TMEM51: variants seen among roughly 807,000 people sequenced by gnomAD.
The protein encoded by TMEM51 is chromosome 1 open reading frame 72.
Under a neutral mutation model 13.6 loss-of-function variants are expected in TMEM51, and 8 were observed. The ratio of observed to expected loss-of-function variants is 0.59; its 90% confidence interval spans 0.35 to 1.07. The LOEUF is 1.07. Among genes scored for constraint, TMEM51 ranks in the 50% least tolerant of loss-of-function variants. The pLI is 0.02. For synonymous variants in TMEM51, 147 were observed against 144.4 expected, an observed-to-expected ratio of 1.02 and a Z score of -0.13; for missense variants, 279 against 330.7, an observed-to-expected ratio of 0.84 and a Z score of 1.21.
At chr1:15,168,361 A>T (rs1643102755) in intron 1 of TMEM51, 1 of 1,035,632 alleles carries the variant, frequency 9.7e-7, no homozygotes, top group Admixed American at 3.6e-5. Flanking sequence ...AAAGAAGGGG[A>T]ATGGGGAAGA....
intron 2 of TMEM51, 96 bp from the exon 3 acceptor site, chr1:15,214,799 T>A (rs1405076067): frequency 2.5e-6 from 1 of 406,834 alleles, no homozygotes; most frequent in Non-Finnish European, 4.4e-6. Context: ...TGCTCGGTGC[T>A]GCTGCCTAAC....
chr1:15,219,260 C>G (rs952309925), intron 3 of TMEM51, 66 bp from the exon 4 acceptor site: 3 of 1,500,502 alleles, frequency 2.0e-6, no homozygotes, highest in Non-Finnish European at 2.7e-6. Flanking sequence ...TGGAGCCCAT[C>G]CCTTTGGGAT....
At chr1:15,157,867 T>C (rs1642641520) in intron 1 of TMEM51, among the ~76,000 whole-genome samples, 1 of 152,228 alleles carries the variant, frequency 6.6e-6, no homozygotes, top group Non-Finnish European at 1.5e-5. Context: ...AACGAGCAGA[T>C]GACATCGTGA....
intron 1 of TMEM51, among the ~76,000 whole-genome samples, chr1:15,180,653 T>C (rs1012318840): frequency 3.3e-5 from 5 of 152,206 alleles, no homozygotes; most frequent in South Asian, 4.1e-4. Context: ...TATGTTTCTC[T>C]GTATAAGTGA....
intron 1 of TMEM51, chr1:15,168,887 C>G (rs965927309): frequency 8.5e-7 from 1 of 1,172,314 alleles, no homozygotes; most frequent in African/African-American, 1.6e-5. Flanking sequence ...GAGTCAATAT[C>G]TGGAGTTGGA....
At chr1:15,189,731 T>C (rs988917214) in intron 1 of TMEM51, among the ~76,000 whole-genome samples, 8 of 152,196 alleles carry the variant, frequency 5.3e-5, no homozygotes, top group African/African-American at 1.9e-4. Context: ...GATGATTCCA[T>C]TTACAAAGAT....
At position 15,204,957 on chromosome 1, in the gene TMEM51, G is replaced by A. The variant is rs377641072; in HGVS notation, c.-266-5533G>A. On this transcript the variant is annotated intron_variant, in intron 1 of 3. Coordinates refer to ENST00000376008, the MANE Select transcript of TMEM51 (RefSeq NM_001136218.2). The stretch of plus-strand genomic sequence containing the variant: ...GGCCAGAACCTGGAGAAGGTTCGAG[G>A]TGTCAGACTCACATTGGGCTGACGG... Among the ~76,000 whole-genome samples the A allele has an allele frequency of 1.7e-4, 26 of 152,232 alleles. No individual in the cohort carries two copies. The East Asian group carries it at 4.6e-3, about 27-fold the overall frequency.
intron 1 of TMEM51, among the ~76,000 whole-genome samples, chr1:15,186,569 T>C (rs1643783352): frequency 6.6e-6 from 1 of 152,202 alleles, no homozygotes; most frequent in East Asian, 1.9e-4. Context: ...CTCTCCCAGC[T>C]TCACTTAAGA....
intron 1 of TMEM51, among the ~76,000 whole-genome samples, chr1:15,187,472 A>T (rs1019227621): frequency 3.3e-5 from 5 of 152,158 alleles, no homozygotes; most frequent in African/African-American, 9.7e-5. Context: ...TGATGCCTGT[A>T]GGTCCTAGTA....
intron 1 of TMEM51, among the ~76,000 whole-genome samples, chr1:15,159,441 G>A (rs1366851981): frequency 2.0e-5 from 3 of 152,196 alleles, no homozygotes; most frequent in Non-Finnish European, 4.4e-5. Context: ...CCTAAAGCCT[G>A]TCGCTCTCGT....
intron 1 of TMEM51, among the ~76,000 whole-genome samples, chr1:15,173,418 A>C (rs1299497591): frequency 6.6e-6 from 1 of 151,628 alleles, no homozygotes; most frequent in African/African-American, 2.4e-5. Context: ...ACGGGGTTTC[A>C]CCATGTTGGC....
intron 1 of TMEM51, among the ~76,000 whole-genome samples, chr1:15,176,985 T>A (rs1643474224): frequency 6.6e-6 from 1 of 152,132 alleles, no homozygotes; most frequent in South Asian, 2.1e-4. Context: ...AACATGGATA[T>A]GGGCGGGAGT....
chr1:15,212,038 C>A (rs10927723), intron 2 of TMEM51, among the ~76,000 whole-genome samples: 4 of 151,752 alleles, frequency 2.6e-5, no homozygotes, highest in African/African-American at 9.7e-5. Flanking sequence ...CCATAATTTC[C>A]TTAAGTGCGT....
At chr1:15,167,326 C>CCAAAAA (rs1557833411) in intron 1 of TMEM51, among the ~76,000 whole-genome samples, 1 of 69,448 alleles carries the variant, frequency 1.4e-5, no homozygotes. Flanking sequence ...GACTCCATCT[C>CCAAAAA]AAAAAAAAAA....
intron 1 of TMEM51, among the ~76,000 whole-genome samples, chr1:15,203,906 TACAA>T (rs1335067159): frequency 6.6e-6 from 1 of 152,216 alleles, no homozygotes; most frequent in Non-Finnish European, 1.5e-5. Flanking sequence ...AGAGCTGAGA[TACAA>T]ACCCGGCCTC....
intron 1 of TMEM51, among the ~76,000 whole-genome samples, chr1:15,172,873 T>C (rs1643333371): frequency 6.6e-6 from 1 of 152,214 alleles, no homozygotes; most frequent in Non-Finnish European, 1.5e-5. Flanking sequence ...CGACACTACC[T>C]GCTCATTGGT....
At chr1:15,202,885 C>T (rs1644183028) in intron 1 of TMEM51, among the ~76,000 whole-genome samples, 2 of 152,192 alleles carry the variant, frequency 1.3e-5, no homozygotes, top group South Asian at 4.1e-4. Flanking sequence ...GAACCCTGTG[C>T]AGGACCCCGC....
intron 2 of TMEM51, among the ~76,000 whole-genome samples, chr1:15,211,534 T>C (rs1175568896): frequency 1.3e-5 from 2 of 152,214 alleles, no homozygotes; most frequent in Non-Finnish European, 2.9e-5. Context: ...ATAACTCCCC[T>C]ATGAGGTAGG....
chr1:15,177,780 GTTGCAGAATAT>G (rs1365122155), intron 1 of TMEM51, among the ~76,000 whole-genome samples: 1 of 152,136 alleles, frequency 6.6e-6, no homozygotes, highest in East Asian at 1.9e-4. Context: ...CAGAGAATGG[GTTGCAGAATAT>G]TTCCCAGGTT....
Sources: gnomAD v4.1 joint callset for allele counts (sites outside exome capture counted in the v4.1 genomes callset) on GRCh38, gnomAD v4.1.1 for gene constraint, MANE v1.5 for transcripts, NCBI Gene and HGNC (gene_info 2026-07-23, HGNC 2026-07-21) for gene names.